The following GAPVD1 variants were observed in gnomAD, a reference collection of about 807,000 sequenced individuals.
The protein encoded by GAPVD1 is GTPase-activating protein and VPS9 domain-containing protein 1.
In GAPVD1, 35 loss-of-function variants were observed where a neutral mutation model predicts 155.5. The ratio of observed to expected loss-of-function variants is 0.23; its 90% CI spans 0.17 to 0.30. The LOEUF is 0.30. GAPVD1 is among the 10% of genes least tolerant of loss of function. The probability of loss-of-function intolerance (pLI) is 1.00; values close to 1 mark genes in which losing one functional copy is unlikely to be tolerated. For missense variants in GAPVD1, 1,429 were observed against 1,775.7 expected, an observed-to-expected ratio of 0.80 and a Z score of 3.51; for synonymous variants, 636 against 619.7, an observed-to-expected ratio of 1.03 and a Z score of -0.39.
intron 9 of GAPVD1, among the ~76,000 whole-genome samples, chr9:125,313,753 C>T (rs1842994074): frequency 6.6e-6 from 1 of 152,204 alleles, no homozygotes; most frequent in Non-Finnish European, 1.5e-5. Context: ...AGGCATGTGC[C>T]ACCACACCCG....
At chr9:125,293,852 T>TTATATATATATATATATA (rs1161661604) in intron 2 of GAPVD1, among the ~76,000 whole-genome samples, 2 of 35,192 alleles carry the variant, frequency 5.7e-5, no homozygotes, top group African/African-American at 1.6e-4. Context: ...AAAATATATT[T>TTATATATATATATATATA]TATATATATA....
chr9:125,281,544 CTTATA>C (rs1306893424), intron 2 of GAPVD1, among the ~76,000 whole-genome samples: 1 of 152,102 alleles, frequency 6.6e-6, no homozygotes, highest in African/African-American at 2.4e-5. Context: ...TTATTAACAT[CTTATA>C]TTAGCATAGT....
At chr9:125,273,640 T>TA (rs1432017378) in intron 2 of GAPVD1, among the ~76,000 whole-genome samples, 1 of 152,028 alleles carries the variant, frequency 6.6e-6, no homozygotes, top group East Asian at 1.9e-4. Context: ...CAGTTTTTGT[T>TA]ATGAGCGAGG....
chr9:125,362,842 G>C lies in GAPVD1; in HGVS notation c.*96G>C, dbSNP rs1851130514. ...TGCTTTGAAGGCTGAAGATTGTTTT[G>C]TATGATACTGCACAGCATCAGGCAT... On this transcript the variant is annotated 3_prime_UTR_variant, in exon 28 of 28. Transcript: ENST00000297933. 1 of 1,070,074 alleles carries C rather than the reference G, an allele frequency of 9.3e-7. No homozygotes were observed. 66.3% of individuals were successfully genotyped at this position (1,070,074 alleles called of 1,614,324 possible). A position where few individuals can be genotyped will look rare whatever the true frequency, so the allele number is the denominator to read the frequency against.
At chr9:125,361,126 C>T (rs1045616492) in intron 27 of GAPVD1, among the ~76,000 whole-genome samples, 10 of 152,100 alleles carry the variant, frequency 6.6e-5, no homozygotes, top group Non-Finnish European at 1.3e-4. Flanking sequence ...GCCTCAGCCT[C>T]CTGAAGTGTT....
At chr9:125,276,880 T>A (rs945323751) in intron 2 of GAPVD1, among the ~76,000 whole-genome samples, 4 of 152,102 alleles carry the variant, frequency 2.6e-5, no homozygotes, top group African/African-American at 9.7e-5. Flanking sequence ...CATATCAGCC[T>A]CCTGAGAACC....
chr9:125,305,884 C>T (rs1281880328), intron 6 of GAPVD1, among the ~76,000 whole-genome samples: 1 of 152,044 alleles, frequency 6.6e-6, no homozygotes, highest in Non-Finnish European at 1.5e-5. Flanking sequence ...GACTCCTGGC[C>T]TCAAGTGATC....
chr9:125,351,323 G>C (rs1849264579), intron 23 of GAPVD1, among the ~76,000 whole-genome samples: 1 of 152,150 alleles, frequency 6.6e-6, no homozygotes, highest in Non-Finnish European at 1.5e-5. Context: ...ATGAGATTCG[G>C]GTGGGGACAC....
intron 23 of GAPVD1, 49 bp downstream of exon 23, chr9:125,350,921 G>T (rs781721684): frequency 1.4e-6 from 2 of 1,419,798 alleles, no homozygotes; most frequent in Non-Finnish European, 1.9e-6. Flanking sequence ...TTAGCTGCAA[G>T]TGTTTTCTTT....
rs1296972695 is a variant in GAPVD1 at position 125,366,488 on chromosome 9, A to G, written c.*3742A>G. The G allele has an allele frequency of 6.6e-6, 1 of 152,228 alleles. No homozygotes were observed. Among genetic ancestry groups the G allele is most frequent in the Non-Finnish European group, 1.5e-5 (1 of 68,042 alleles). 9.4% of individuals were successfully genotyped at this position (152,228 alleles called of 1,614,324 possible). On this transcript the variant is annotated 3_prime_UTR_variant, in exon 28 of 28. Coordinates refer to ENST00000297933, the MANE Select transcript of GAPVD1 (RefSeq NM_001282680.3). ...TTCACTTCCTCAATTGGTGCTTCCT[A>G]GATTTTTCTCTCCCATCTCTTCCTG... is the stretch of plus-strand genomic sequence containing the variant.
rs1195645371 is a variant in GAPVD1 at position 125,283,383 on chromosome 9, G to T, written c.-149-12075G>T. Among the ~76,000 whole-genome samples the T allele has an allele frequency of 5.3e-5, 8 of 151,954 alleles. No homozygotes were observed. The East Asian group carries it at 1.3e-3, about 26-fold the overall frequency. On this transcript the variant is annotated intron_variant, in intron 2 of 27. Transcript: ENST00000297933. ...TTATTATTTTTATTTTTTAGACAGG[G>T]TCGTGCTGTGTTGCCCAGGCTGAAG...
Position 125,350,334 on chromosome 9 carries a change from G to C in GAPVD1, c.3339G>C (p.Ala1113=), listed in dbSNP as rs371619035. 6 of 1,592,228 alleles carry C rather than the reference G, an allele frequency of 3.8e-6. No individual in the cohort carries two copies. The change falls in exon 22 of 28, where the codon GCG becomes GCC. Residue 1113 remains alanine, a synonymous_variant. Coordinates refer to ENST00000297933, the MANE Select transcript of GAPVD1 (RefSeq NM_001282680.3). ...AACTGAGGCTTGCTCTTTGCTCTGC[G>C]GACTCTGTTGCCTTCCCAGTGCTGA... The part of the protein sequence containing the change: ...KKKLRLALCS[A]DSVAFPVLTH...
intron 1 of GAPVD1, among the ~76,000 whole-genome samples, chr9:125,265,936 A>G (rs1833873896): frequency 1.3e-5 from 2 of 150,104 alleles, no homozygotes; most frequent in Non-Finnish European, 3.0e-5. Flanking sequence ...AAAAAAAAAA[A>G]AAAAAGAAAC....
intron 9 of GAPVD1, among the ~76,000 whole-genome samples, chr9:125,314,694 CAAAA>C (rs1000490215): frequency 2.8e-4 from 42 of 151,346 alleles, no homozygotes; most frequent in African/African-American, 8.5e-4. Context: ...AAAAAAGAAA[CAAAA>C]AGACAAGAAG....
Position 125,346,825 on chromosome 9 carries a change from C to G in GAPVD1, c.3053C>G (p.Pro1018Arg). ...PDRFSTLTDDPSPRLSAQAQV... is the reference protein window; with the variant it reads ...PDRFSTLTDDRSPRLSAQAQV... The stretch of plus-strand genomic sequence containing the variant: ...ACTCTCCTTTCCCTTGCAGATGATC[C>G]CAGCCCTAGACTCAGTGCACAAGCT... The change falls in exon 20 of 28, where the codon CCC (proline) becomes CGC (arginine). Residue 1018 changes from proline to arginine, a missense_variant. Pro to Arg is a moderately radical substitution (Grantham distance 103). Coordinates refer to ENST00000297933, the MANE Select transcript of GAPVD1 (RefSeq NM_001282680.3). 6.2e-7 allele frequency: 1 copy of G among 1,613,706 alleles called. No individual in the cohort carries two copies. Among genetic ancestry groups the G allele is most frequent in the South Asian group, 1.1e-5 (1 of 91,066 alleles).
chr9:125,321,425 T>A lies in GAPVD1; in HGVS notation c.1603-8T>A. The A allele has an allele frequency of 6.2e-7, 1 of 1,605,070 alleles. No individual in the cohort carries two copies. The highest frequency in any genetic ancestry group is 8.5e-7 in the Non-Finnish European group (1 of 1,174,754). On this transcript the variant is annotated splice_region_variant and splice_polypyrimidine_tract_variant and intron_variant, in intron 9 of 27. Coordinates refer to ENST00000297933, the MANE Select transcript of GAPVD1 (RefSeq NM_001282680.3). ...TTGATAAACCAAAATTGACATTTTA[T>A]TTTTTAGGTCCTAAACATGCAGCTT...
chr9:125,313,637 CTGT>C (rs912304051), intron 9 of GAPVD1, among the ~76,000 whole-genome samples: 3 of 151,918 alleles, frequency 2.0e-5, no homozygotes, highest in Non-Finnish European at 2.9e-5. Context: ...GAGTGTCACT[CTGT>C]TGCACAGCTG....
chr9:125,337,196 CA>C (rs1372475122), intron 16 of GAPVD1, 24 bp from the exon 17 acceptor site: 1 of 1,612,234 alleles, frequency 6.2e-7, no homozygotes, highest in African/African-American at 1.3e-5. Flanking sequence ...GTCTCAGTTA[CA>C]AAACTTTTTT....
At chr9:125,328,890 C>T (rs1303717290) in intron 12 of GAPVD1, among the ~76,000 whole-genome samples, 2 of 152,196 alleles carry the variant, frequency 1.3e-5, no homozygotes, top group African/African-American at 4.8e-5. Context: ...GGGCTCACCT[C>T]GGGAGGCCGA....
Sources: gnomAD v4.1 joint callset for allele counts (sites outside exome capture counted in the v4.1 genomes callset) on GRCh38, gnomAD v4.1.1 for gene constraint, MANE v1.5 for transcripts, NCBI Gene and HGNC (gene_info 2026-07-23, HGNC 2026-07-21) for gene names.